Variants in MCRS1 observed in about 807,000 individuals in gnomAD.
MCRS1 encodes the protein microspherule protein 1.
In MCRS1, 22 loss-of-function variants were observed where a neutral mutation model predicts 62.9. The ratio of observed to expected loss-of-function variants is 0.35; its 90% CI spans 0.25 to 0.50. The LOEUF (loss-of-function observed/expected upper bound fraction) is 0.50, where lower values mean the gene tolerates loss of function less well. Ranked by LOEUF, MCRS1 falls within the 20% of genes least tolerant of loss-of-function variation. MCRS1 has a pLI of 0.98. For synonymous variants in MCRS1, 244 were observed against 233.5 expected (o/e 1.04, Z -0.41); for missense variants, 456 against 601.1 (o/e 0.76, Z 2.52).
At chr12:49,563,286 G>A (rs957991837) in intron 7 of MCRS1, 147 bp from the exon 8 acceptor site, 2 of 1,405,710 alleles carry the variant, frequency 1.4e-6, no homozygotes, top group Admixed American at 4.0e-5. Context: ...CTCTTCCTGA[G>A]GCCCCTGTCA....
chr12:49,565,828 C>A, intron 3 of MCRS1, 161 bp from the exon 4 acceptor site: 1 of 1,153,820 alleles, frequency 8.7e-7, no homozygotes. Flanking sequence ...AACTGCTACA[C>A]TCCAGCCCTC....
At position 49,559,198 on chromosome 12, in the gene MCRS1, A is replaced by G; in HGVS notation, c.1174+16T>C. On this transcript the variant is annotated intron_variant, in intron 13 of 14. Coordinates refer to ENST00000343810, the MANE Select transcript of MCRS1 (RefSeq NM_006337.5). This position sits in a 1 kb window ranked among gnomAD's most constrained non-coding sequence, Gnocchi z 5.2. ...ACCTCACACTGCTTCCTGCTGGGGC[A>G]GGGGGTGGGGGATACCTTGTTTCCG... 6.2e-7 allele frequency: 1 copy of G among 1,611,498 alleles called. No individual in the cohort carries two copies. Among genetic ancestry groups the G allele is most frequent in the Non-Finnish European group, 8.5e-7 (1 of 1,178,142 alleles).
chr12:49,558,702 T>C lies in MCRS1; in HGVS notation c.1330A>G (p.Ile444Val), dbSNP rs1938582440. The C allele has an allele frequency of 6.2e-7, 1 of 1,613,812 alleles. No homozygotes were observed. Among genetic ancestry groups the C allele is most frequent in the East Asian group, 2.2e-5 (1 of 44,852 alleles). Reference protein sequence around the residue: ...EIASLRFVFLINQDLIALIRA... With the variant: ...EIASLRFVFLVNQDLIALIRA... The stretch of plus-strand genomic sequence containing the variant: ...ATGAGGGCAATGAGGTCCTGGTTGA[T>C]AAGGAAGACGAATCGCAGGCTGGCG... The change falls in exon 15 of 15, where the codon ATC becomes GTC. Residue 444 changes from isoleucine to valine, a missense_variant. Physicochemically the swap from Ile to Val is conservative, Grantham distance 29. Transcript: ENST00000343810.
chr12:49,563,299 A>G (rs1184472992), intron 7 of MCRS1, 139 bp downstream of exon 7: 2 of 1,375,278 alleles, frequency 1.5e-6, no homozygotes, highest in East Asian at 5.0e-5. Flanking sequence ...CCCTGTCACA[A>G]ACGCCCCTGC....
Position 49,566,152 on chromosome 12 carries a change from T to G in MCRS1, c.74A>C (p.Glu25Ala). 6.2e-7 allele frequency: 1 copy of G among 1,614,200 alleles called. No individual in the cohort carries two copies. Among genetic ancestry groups the G allele is most frequent in the Middle Eastern group, 1.6e-4 (1 of 6,062 alleles). The change falls in exon 3 of 15, where the codon GAG (glutamate) becomes GCG (alanine). Residue 25 changes from glutamate to alanine, a missense_variant. Physicochemically the swap from Glu to Ala is moderately radical, Grantham distance 107. This residue lies in a region of MCRS1 where 55 missense variants were observed against 49.3 expected (regional missense o/e 1.12). Coordinates refer to ENST00000343810, the MANE Select transcript of MCRS1 (RefSeq NM_006337.5). ...ASGTASRSED[E>A]ESLAGQKRAS... ...TCGCTTCTGCCCTGCCAGTGACTCC[T>G]CATCCTCTGAGCGGCTGGCAGTGCC... is the stretch of plus-strand genomic sequence containing the variant.
intron 1 of MCRS1, among the ~76,000 whole-genome samples, chr12:49,567,477 C>T (rs567431093): frequency 1.3e-5 from 2 of 152,162 alleles, no homozygotes; most frequent in African/African-American, 2.4e-5. Flanking sequence ...TCTCGTGAGT[C>T]CCCACTTCTA....
intron 4 of MCRS1, chr12:49,565,110 G>C (rs1011970216): frequency 3.0e-6 from 3 of 985,244 alleles, no homozygotes; most frequent in East Asian, 2.3e-4. Context: ...TTGACCATAC[G>C]GGGTCTTCTC....
At chr12:49,558,782 G>A (rs375157299) in intron 14 of MCRS1, 53 bp from the exon 15 acceptor site, 176 of 1,613,432 alleles carry the variant, frequency 1.1e-4, no homozygotes, top group Non-Finnish European at 1.4e-4. Context: ...GGACCAAGTT[G>A]GTGTACTGGC....
chr12:49,560,098 C>T, intron 9 of MCRS1, 131 bp from the exon 10 acceptor site: 1 of 1,347,534 alleles, frequency 7.4e-7, no homozygotes. Flanking sequence ...GGCCCAGCCT[C>T]CTTCTCTGGG....
chr12:49,562,176 G>A (rs546633365), intron 8 of MCRS1, among the ~76,000 whole-genome samples: 7 of 152,282 alleles, frequency 4.6e-5, no homozygotes, highest in African/African-American at 9.6e-5. Flanking sequence ...CAGAAGCTGC[G>A]GGACCCTGGT....
chr12:49,567,297 T>C (rs757645529), intron 1 of MCRS1, among the ~76,000 whole-genome samples: 3 of 151,820 alleles, frequency 2.0e-5, no homozygotes, highest in Non-Finnish European at 4.4e-5. Context: ...TTTTTTTTTG[T>C]TTTTCTTTTC....
chr12:49,566,703 T>C lies in MCRS1; in HGVS notation c.10+19A>G. On this transcript the variant is annotated intron_variant, in intron 2 of 14. Coordinates refer to ENST00000343810, the MANE Select transcript of MCRS1 (RefSeq NM_006337.5). ...CTTGGCGCCCGAGCATTTGGGGAGC[T>C]GTCCCGGCCTCATACTACCTTTGTC... 1.9e-6 allele frequency: 3 copies of C among 1,613,934 alleles called. No individual in the cohort carries two copies. Among genetic ancestry groups the C allele is most frequent in the Non-Finnish European group, 2.5e-6 (3 of 1,179,922 alleles).
Position 49,559,549 on chromosome 12 carries a change from G to A in MCRS1, c.1004-14C>T, listed in dbSNP as rs1173444375. 2 of 1,607,902 alleles carry A rather than the reference G, an allele frequency of 1.2e-6. No homozygotes were observed. The highest frequency in any genetic ancestry group is 8.5e-7 in the Non-Finnish European group (1 of 1,179,908). On this transcript the variant is annotated splice_polypyrimidine_tract_variant and intron_variant, in intron 11 of 14. Coordinates refer to ENST00000343810, the MANE Select transcript of MCRS1 (RefSeq NM_006337.5). This position sits in a 1 kb window ranked among gnomAD's most constrained non-coding sequence, Gnocchi z 5.2. ...GAGAGCTCATGCCTGGGAGAAGAGG[G>A]AGTTTGGAAGAGCCTACCCCTGAGG...
intron 8 of MCRS1, among the ~76,000 whole-genome samples, chr12:49,560,867 A>C (rs1284049647): frequency 6.6e-6 from 1 of 152,162 alleles, no homozygotes; most frequent in Non-Finnish European, 1.5e-5. Flanking sequence ...GCCAAGTTCC[A>C]CTGAGAAAGT....
At chr12:49,563,281 C>A in intron 7 of MCRS1, 142 bp from the exon 8 acceptor site, 1 of 1,404,768 alleles carries the variant, frequency 7.1e-7, no homozygotes. Context: ...CTTGGCTCTT[C>A]CTGAGGCCCC....
In MCRS1 at chr12:49,564,832, G is replaced by T; in HGVS notation, c.352C>A (p.Arg118Ser). The T allele has an allele frequency of 6.2e-7, 1 of 1,614,072 alleles. No homozygotes were observed. Among genetic ancestry groups the T allele is most frequent in the South Asian group, 1.1e-5 (1 of 91,074 alleles). ...AGTGGCTGTTTACTCTTCTTCACAC[G>T]CTTGGTGAGTCCAGGGGCTGGGGCT... ...SPAPAPGLTK[R>S]VKKSKQPLQV... Residue 118 changes from arginine (R) to serine (S), a missense_variant, in exon 5 of 15, where the codon CGT becomes AGT. By Grantham distance (110) the Arg-to-Ser change is moderately radical. Coordinates refer to ENST00000343810, the MANE Select transcript of MCRS1 (RefSeq NM_006337.5).
chr12:49,565,387 A>AG (rs1412363537), intron 4 of MCRS1, 142 bp downstream of exon 4: 2 of 1,500,614 alleles, frequency 1.3e-6, no homozygotes, highest in East Asian at 2.4e-5. Flanking sequence ...TGTTCCCAGG[A>AG]GGGGGGCATC....
rs1392079525 is a variant in MCRS1 at position 49,566,110 on chromosome 12, A to G, written c.116T>C (p.Leu39Ser). 6.2e-7 allele frequency: 1 copy of G among 1,614,072 alleles called. No homozygotes were observed. The highest frequency in any genetic ancestry group is 1.3e-5 in the African/African-American group (1 of 74,940). Reference sequence around the variant, plus strand: ...GCTTCTCCGTTTAGGGATGGTGCCCAAGGCCTGGGAGGAGGCTCGCTTCTG... The same window carrying G: ...GCTTCTCCGTTTAGGGATGGTGCCCGAGGCCTGGGAGGAGGCTCGCTTCTG... ...AGQKRASSQA[L>S]GTIPKRRSSS... is the part of the protein sequence containing the mutation. Residue 39 changes from leucine to serine, a missense_variant, in exon 3 of 15, where the codon TTG (leucine) becomes TCG (serine). Leu to Ser is a moderately radical substitution (Grantham distance 145). Around this residue, in one of 3 missense-constraint regions of MCRS1, gnomAD observed 55 missense variants for 49.3 expected, o/e 1.12. Transcript: ENST00000343810.
At position 49,563,444 on chromosome 12, in the gene MCRS1, C is replaced by G; in HGVS notation, c.660G>C (p.Val220=). Residue 220 remains valine (V), a synonymous_variant, in exon 7 of 15, where the codon GTG becomes GTC. Transcript: ENST00000343810. ...TCCCAGCCCTCAGCCTTACCGATCC[C>G]ACTTTGCTCAGCAGCTGCTCCTCAG... The part of the protein sequence containing the change: ...SKAEEQLLSK[V]GSTSQPTLET... 6.2e-7 allele frequency: 1 copy of G among 1,612,104 alleles called. No homozygotes were observed. Among genetic ancestry groups the G allele is most frequent in the Non-Finnish European group, 8.5e-7 (1 of 1,179,402 alleles).
Sources: gnomAD v4.1 joint callset for allele counts (sites outside exome capture counted in the v4.1 genomes callset) on GRCh38, gnomAD v4.1.1 for gene constraint, gnomAD v4.1.1 regional missense constraint, Gnocchi (gnomAD v3.1) non-coding constraint, MANE v1.5 for transcripts, NCBI Gene and HGNC (gene_info 2026-07-23, HGNC 2026-07-21) for gene names.